ARHGEF3: variants seen among roughly 807,000 people sequenced by gnomAD.
ARHGEF3 encodes 59.8 kDA protein.
ARHGEF3 carries 28 observed loss-of-function variants against 63.2 expected under a neutral mutation model. The ratio of observed to expected loss-of-function variants is 0.44; its 90% CI spans 0.33 to 0.61. The LOEUF is 0.61. Ranked by LOEUF, ARHGEF3 falls within the 20% of genes least tolerant of loss-of-function variation. The pLI is 0.03. For missense variants in ARHGEF3, 533 were observed against 659.3 expected, an observed-to-expected ratio of 0.81 and a Z score of 2.10; for synonymous variants, 266 against 254.2, an observed-to-expected ratio of 1.05 and a Z score of -0.44.
At chr3:56,752,932 G>A (rs1483118085) in intron 4 of ARHGEF3, among the ~76,000 whole-genome samples, 1 of 152,224 alleles carries the variant, frequency 6.6e-6, no homozygotes, top group Non-Finnish European at 1.5e-5. Flanking sequence ...TCAGATGAAG[G>A]AGTCTGGATT....
At chr3:56,977,700 T>C (rs1701177304) in intron 2 of ARHGEF3, among the ~76,000 whole-genome samples, 1 of 152,136 alleles carries the variant, frequency 6.6e-6, no homozygotes, top group Non-Finnish European at 1.5e-5. Flanking sequence ...CCAGGGGACT[T>C]GGTGCCTGGC....
chr3:56,876,652 C>A (rs1000208872), intron 4 of ARHGEF3, among the ~76,000 whole-genome samples: 9 of 151,768 alleles, frequency 5.9e-5, no homozygotes, highest in African/African-American at 1.9e-4. Flanking sequence ...TTAAACAGGG[C>A]TCATCTTGAT....
chr3:56,767,766 T>A (rs1382553209), intron 2 of ARHGEF3, among the ~76,000 whole-genome samples: 1 of 151,736 alleles, frequency 6.6e-6, no homozygotes, highest in African/African-American at 2.4e-5. Flanking sequence ...TTATTTATTT[T>A]GAGACAGTCT....
upstream of ARHGEF3, among the ~76,000 whole-genome samples, chr3:56,806,043 A>AT (rs914817322): frequency 6.0e-5 from 9 of 151,222 alleles, no homozygotes; most frequent in Admixed American, 5.3e-4. Context: ...TTTCAGGAGT[A>AT]TTTTTTTTTA....
At chr3:56,977,265 G>C (rs1330977290) in intron 2 of ARHGEF3, 1 of 456,668 alleles carries the variant, frequency 2.2e-6, no homozygotes, top group Admixed American at 2.3e-5. Flanking sequence ...TATCAGCTAC[G>C]TGCTACTTAC....
chr3:56,950,932 C>T (rs1374105254), intron 3 of ARHGEF3, among the ~76,000 whole-genome samples: 6 of 151,896 alleles, frequency 4.0e-5, no homozygotes, highest in Admixed American at 6.6e-5. Flanking sequence ...ATACACACCA[C>T]GGAATACTAT....
At chr3:56,730,412 C>T (rs977085585) in intron 9 of ARHGEF3, among the ~76,000 whole-genome samples, 6 of 133,846 alleles carry the variant, frequency 4.5e-5, no homozygotes, top group South Asian at 2.3e-4. Context: ...TTTTTTGAGA[C>T]AGAGTCTTGC....
intron 1 of ARHGEF3, among the ~76,000 whole-genome samples, chr3:56,801,159 C>A (rs1303466641): frequency 6.6e-6 from 1 of 152,238 alleles, no homozygotes; most frequent in East Asian, 1.9e-4. Flanking sequence ...GGCTGAATGA[C>A]CCTCACTGGC....
At chr3:56,822,029 A>AGAAGAGAAGC (rs1559968746) in intron 4 of ARHGEF3, among the ~76,000 whole-genome samples, 2 of 147,378 alleles carry the variant, frequency 1.4e-5, no homozygotes, top group South Asian at 2.2e-4. Context: ...AGAAGAGAAG[A>AGAAGAGAAGC]GAAGCGAGGA....
chr3:56,831,052 A>G (rs139313339), intron 4 of ARHGEF3, among the ~76,000 whole-genome samples: 72 of 152,190 alleles, frequency 4.7e-4, no homozygotes, highest in Non-Finnish European at 8.8e-5. Context: ...GAAGACAGAG[A>G]TCTTGTCCCT....
intron 3 of ARHGEF3, among the ~76,000 whole-genome samples, chr3:56,894,972 T>A (rs2041249965): frequency 6.6e-6 from 1 of 152,220 alleles, no homozygotes; most frequent in African/African-American, 2.4e-5. Context: ...AGCCCATTTG[T>A]GGCTCACCAC....
chr3:57,000,308 TCCCA>T (rs1233892545), intron 2 of ARHGEF3, among the ~76,000 whole-genome samples: 4,053 of 27,164 alleles, frequency 0.15, 179 homozygotes, highest in African/African-American at 0.21. Context: ...AGAGGGTAAC[TCCCA>T]CACACACACA....
chr3:56,930,787 G>A (rs566596174), intron 3 of ARHGEF3, among the ~76,000 whole-genome samples: 1 of 152,150 alleles, frequency 6.6e-6, no homozygotes, highest in African/African-American at 2.4e-5. Context: ...CATTTATTGA[G>A]GTAGGGAGAT....
intron 4 of ARHGEF3, among the ~76,000 whole-genome samples, chr3:56,862,324 C>T (rs7653695): frequency 0.97 from 147,405 of 152,302 alleles, 71,485 homozygotes; most frequent in East Asian, 1. Flanking sequence ...CCAGGTCTGT[C>T]GAACAGCCAA....
intron 2 of ARHGEF3, among the ~76,000 whole-genome samples, chr3:57,016,920 ACT>A (rs1703029200): frequency 6.6e-6 from 1 of 151,826 alleles, no homozygotes. Context: ...CAAGGAAGTC[ACT>A]GTGTCACTGT....
chr3:56,776,875 C>A (rs566749726), intron 1 of ARHGEF3, among the ~76,000 whole-genome samples: 2 of 152,122 alleles, frequency 1.3e-5, no homozygotes, highest in Non-Finnish European at 2.9e-5. Flanking sequence ...CACCACCCCC[C>A]ACCACGTGAT....
At chr3:56,939,215 C>T (rs1699056638) in intron 3 of ARHGEF3, among the ~76,000 whole-genome samples, 1 of 152,104 alleles carries the variant, frequency 6.6e-6, no homozygotes, top group African/African-American at 2.4e-5. Flanking sequence ...CAGATTCAGA[C>T]ACAGGCAGAA....
intron 3 of ARHGEF3, among the ~76,000 whole-genome samples, chr3:56,889,773 GT>G (rs1416328308): frequency 6.6e-6 from 1 of 152,108 alleles, no homozygotes; most frequent in Non-Finnish European, 1.5e-5. Flanking sequence ...TTAAATATTT[GT>G]TTCATGGCTG....
intron 2 of ARHGEF3, among the ~76,000 whole-genome samples, chr3:56,997,727 G>C (rs1258025456): frequency 6.6e-6 from 1 of 152,062 alleles, no homozygotes; most frequent in African/African-American, 2.4e-5. Context: ...GATGACGAAG[G>C]GTAAATGATC....
Sources: gnomAD v4.1 joint callset for allele counts (sites outside exome capture counted in the v4.1 genomes callset) on GRCh38, gnomAD v4.1.1 for gene constraint, MANE v1.5 for transcripts, NCBI Gene and HGNC (gene_info 2026-07-23, HGNC 2026-07-21) for gene names.